PHF5A: variants seen among roughly 807,000 people sequenced by gnomAD.
PHF5A encodes PHD finger protein 5A.
For synonymous variants in PHF5A, 52 were observed against 46.0 expected, an observed-to-expected ratio of 1.13 and a Z score of -0.52; for missense variants, 24 against 140.6, an observed-to-expected ratio of 0.17 and a Z score of 4.19.
At chr22:41,467,638 T>C in intron 2 of PHF5A, 24 bp from the exon 3 acceptor site, 1 of 1,613,154 alleles carries the variant, frequency 6.2e-7, no homozygotes, top group East Asian at 2.2e-5. Flanking sequence ...AATGGAGTCA[T>C]GCTCACAAGT....
chr22:41,467,419 A>C (rs202631), intron 3 of PHF5A, 29 bp downstream of exon 3: 2 of 1,608,558 alleles, frequency 1.2e-6, no homozygotes, highest in Non-Finnish European at 1.7e-6. Flanking sequence ...CAAAAGGAGG[A>C]AAGGTCAGAT....
In PHF5A at chr22:41,462,506, G is replaced by A. The variant is rs140674146; in HGVS notation, c.244-2019C>T. On this transcript the variant is annotated intron_variant, in intron 3 of 3. Transcript: ENST00000216252. Reference sequence around the variant, plus strand: ...GTACCAAGGAAGCCGCCTACCAATAGCTTGCTAGGTGAACCCAAGTAAGCA... The same window carrying A: ...GTACCAAGGAAGCCGCCTACCAATAACTTGCTAGGTGAACCCAAGTAAGCA... 2.0e-5 allele frequency among the ~76,000 whole-genome samples: 3 copies of A among 152,268 alleles called. No individual in the cohort carries two copies. In the East Asian group the frequency reaches 5.8e-4, roughly 29 times the overall value.
intron 3 of PHF5A, among the ~76,000 whole-genome samples, chr22:41,460,877 A>G (rs1321825389): frequency 6.6e-6 from 1 of 152,154 alleles, no homozygotes; most frequent in Non-Finnish European, 1.5e-5. Context: ...AGCACTTATG[A>G]AAGATCATTT....
intron 3 of PHF5A, among the ~76,000 whole-genome samples, chr22:41,465,103 C>G (rs2037855517): frequency 6.6e-6 from 1 of 152,088 alleles, no homozygotes; most frequent in East Asian, 1.9e-4. Context: ...AGAGAAAGGT[C>G]CAAATCATTA....
chr22:41,462,934 C>T (rs550478709), intron 3 of PHF5A, among the ~76,000 whole-genome samples: 123 of 149,998 alleles, frequency 8.2e-4, no homozygotes, highest in Admixed American at 3.3e-3. Context: ...AGTGCAGTGG[C>T]GCTATCTGGG....
At chr22:41,468,027 C>T in intron 2 of PHF5A, 97 bp downstream of exon 2, 1 of 1,307,840 alleles carries the variant, frequency 7.6e-7, no homozygotes, top group Admixed American at 1.8e-5. Flanking sequence ...TACTTCCAGG[C>T]ACATCTACTC....
intron 3 of PHF5A, among the ~76,000 whole-genome samples, chr22:41,466,332 A>C (rs1260179230): frequency 1.3e-5 from 2 of 152,212 alleles, no homozygotes; most frequent in Non-Finnish European, 2.9e-5. Context: ...GAAAGTAGCC[A>C]CTGCCACTAC....
At chr22:41,461,826 C>A (rs2037829921) in intron 3 of PHF5A, among the ~76,000 whole-genome samples, 1 of 152,034 alleles carries the variant, frequency 6.6e-6, no homozygotes, top group South Asian at 2.1e-4. Flanking sequence ...CCATGCCCAG[C>A]TAATTTTTGT....
At chr22:41,466,916 G>A (rs908552445) in intron 3 of PHF5A, among the ~76,000 whole-genome samples, 1 of 151,938 alleles carries the variant, frequency 6.6e-6, no homozygotes, top group Non-Finnish European at 1.5e-5. Flanking sequence ...AGCCCAGGGG[G>A]TCAAGGCTGC....
At chr22:41,464,798 TATC>T (rs2037853441) in intron 3 of PHF5A, among the ~76,000 whole-genome samples, 2 of 152,264 alleles carry the variant, frequency 1.3e-5, no homozygotes, top group Non-Finnish European at 2.9e-5. Flanking sequence ...GCTGTTACCT[TATC>T]ATGCTTTCAC....
At chr22:41,464,927 G>A (rs1423492265) in intron 3 of PHF5A, among the ~76,000 whole-genome samples, 1 of 152,148 alleles carries the variant, frequency 6.6e-6, no homozygotes, top group South Asian at 2.1e-4. Context: ...TGCTTGCACC[G>A]CATGTCAGGC....
At chr22:41,462,079 A>G (rs1268333042) in intron 3 of PHF5A, among the ~76,000 whole-genome samples, 1 of 152,182 alleles carries the variant, frequency 6.6e-6, no homozygotes, top group Non-Finnish European at 1.5e-5. Flanking sequence ...ATGGCTGTTG[A>G]CAGACCATGC....
intron 3 of PHF5A, among the ~76,000 whole-genome samples, chr22:41,461,889 T>C (rs1601864688): frequency 6.6e-6 from 1 of 152,112 alleles, no homozygotes; most frequent in Non-Finnish European, 1.5e-5. Flanking sequence ...TCTTGATCTC[T>C]TGACCTCCTG....
At chr22:41,468,226 G>A in intron 1 of PHF5A, 79 bp from the exon 2 acceptor site, 6 of 1,448,838 alleles carry the variant, frequency 4.1e-6, no homozygotes, top group Non-Finnish European at 5.8e-6. Context: ...TCGAGCTGGG[G>A]GTAGGGACAT....
intron 3 of PHF5A, among the ~76,000 whole-genome samples, chr22:41,463,813 G>A (rs1396613117): frequency 6.7e-6 from 1 of 149,548 alleles, no homozygotes; most frequent in Non-Finnish European, 1.5e-5. Context: ...AGAATCGCTT[G>A]AACCTGGGAG....
intron 3 of PHF5A, among the ~76,000 whole-genome samples, chr22:41,467,014 GCAAAAAA>G (rs1444527023): frequency 1.5e-4 from 21 of 140,078 alleles, no homozygotes; most frequent in East Asian, 2.3e-4. Flanking sequence ...AAAACAAGAA[GCAAAAAA>G]CAAAAAACAA....
At chr22:41,468,335 C>T in intron 1 of PHF5A, 188 bp from the exon 2 acceptor site, 1 of 657,312 alleles carries the variant, frequency 1.5e-6, no homozygotes, top group Non-Finnish European at 2.6e-6. Flanking sequence ...CCTGAATCTC[C>T]TCCAACGCCC....
At chr22:41,465,115 G>A (rs929372004) in intron 3 of PHF5A, among the ~76,000 whole-genome samples, 4 of 152,104 alleles carry the variant, frequency 2.6e-5, no homozygotes, top group African/African-American at 9.7e-5. Flanking sequence ...AAATCATTAT[G>A]TTTTTGGTAC....
chr22:41,468,388 C>T (rs553317475), intron 1 of PHF5A: 2 of 641,296 alleles, frequency 3.1e-6, no homozygotes, highest in Admixed American at 2.9e-5. Context: ...CAGACCCCAC[C>T]CCCCGATACC....
Sources: gnomAD v4.1 joint callset for allele counts (sites outside exome capture counted in the v4.1 genomes callset) on GRCh38, gnomAD v4.1.1 for gene constraint, MANE v1.5 for transcripts, NCBI Gene and HGNC (gene_info 2026-07-23, HGNC 2026-07-21) for gene names.